Variants in CCPG1 observed in about 807,000 individuals in gnomAD.
The protein encoded by CCPG1 is cell cycle progression protein 1.
In CCPG1, 46 loss-of-function variants were observed where a neutral mutation model predicts 81.3. The observed-to-expected ratio is 0.57, with a 90% confidence interval of 0.45 to 0.72. The LOEUF (loss-of-function observed/expected upper bound fraction) is 0.72, where lower values mean the gene tolerates loss of function less well. CCPG1 is among the 30% of genes least tolerant of loss of function. The pLI, the probability that CCPG1 is intolerant of heterozygous loss-of-function variation, is 0.00. For missense variants in CCPG1, 902 were observed against 937.6 expected, an observed-to-expected ratio of 0.96 and a Z score of 0.50; for synonymous variants, 330 against 305.2, an observed-to-expected ratio of 1.08 and a Z score of -0.85.
Position 55,360,519 on chromosome 15 carries a change from A to G in CCPG1, c.1254T>C (p.Tyr418=). ...LHGKSDSPNV[Y]TEKKEIAILR... ...AGATTGCTATTTCCTTTTTTTCAGT[A>G]TATACATTGGGAGAATCTGACTTGC... Residue 418 remains tyrosine, a synonymous_variant, in exon 8 of 9, where the codon TAT becomes TAC. Transcript: ENST00000442196. The G allele has an allele frequency of 1.2e-6, 2 of 1,613,898 alleles. No individual in the cohort carries two copies. The highest frequency in any genetic ancestry group is 1.7e-6 in the Non-Finnish European group (2 of 1,179,996).
intron 8 of CCPG1, chr15:55,357,233 A>G: frequency 5.8e-6 from 5 of 866,322 alleles, no homozygotes; most frequent in Non-Finnish European, 6.6e-6. Context: ...TGGTACTACT[A>G]TCCAACAAGA....
Position 55,356,241 on chromosome 15 carries a change from T to C in CCPG1, c.2403A>G (p.Leu801=), listed in dbSNP as rs2056075080. The change falls in exon 9 of 9, where the codon TTA becomes TTG. Residue 801 remains leucine, a synonymous_variant. Transcript: ENST00000442196. Reference sequence around the variant, plus strand: ...TGAATCAGTATTGAGGATCAAAAGGTAATTGCCCCAATTCTATTTCAAGAT... The same window carrying C: ...TGAATCAGTATTGAGGATCAAAAGGCAATTGCCCCAATTCTATTTCAAGAT... The part of the protein sequence containing the change: ...MANLEIELGQ[L]PFDPQY 1 of 1,534,584 alleles carries C rather than the reference T, an allele frequency of 6.5e-7. No individual in the cohort carries two copies. Among genetic ancestry groups the C allele is most frequent in the Non-Finnish European group, 8.7e-7 (1 of 1,146,388 alleles).
chr15:55,355,602 T>C lies in CCPG1; in HGVS notation c.*618A>G, dbSNP rs1202874839. 3.1e-5 allele frequency: 14 copies of C among 458,146 alleles called. No homozygotes were observed. The highest frequency in any genetic ancestry group is 4.0e-5 in the African/African-American group (2 of 49,656). The allele number at this position is 458,146 out of a possible 1,614,324, so 28.4% of individuals were successfully genotyped here. A position where few individuals can be genotyped will look rare whatever the true frequency, so the allele number is the denominator to read the frequency against. ...AAATACCACATAGTATAAAATTACA[T>C]GTTAATACAATGCCAGATTTTAAAT... On this transcript the variant is annotated 3_prime_UTR_variant, in exon 9 of 9. Transcript: ENST00000442196.
intron 3 of CCPG1, among the ~76,000 whole-genome samples, chr15:55,384,919 A>G (rs778783898): frequency 3.3e-5 from 5 of 152,248 alleles, no homozygotes; most frequent in Non-Finnish European, 7.3e-5. Flanking sequence ...CTTGTGATCA[A>G]TGAATAATTT....
At position 55,366,876 on chromosome 15, in the gene CCPG1, GA is replaced by G. The variant is rs34210341; in HGVS notation, c.707-1568del. 4.7e-3 allele frequency among the ~76,000 whole-genome samples: 711 copies of G among 152,120 alleles called. 6 individuals are homozygous for G. The highest frequency in any genetic ancestry group is 0.016 in the African/African-American group (663 of 41,490). On this transcript the variant is annotated intron_variant, in intron 6 of 8. Coordinates refer to ENST00000442196, the MANE Select transcript of CCPG1 (RefSeq NM_001204450.2). ...TATTCACATGCGTCATGTATGGGGG[GA>G]AAAAACCACGAAATCAAAAATAAGG...
At chr15:55,395,195 C>T (rs912517463) in intron 1 of CCPG1, among the ~76,000 whole-genome samples, 7 of 152,052 alleles carry the variant, frequency 4.6e-5, no homozygotes, top group African/African-American at 1.7e-4. Context: ...CTGGCCCTAA[C>T]ACCACCATGA....
At chr15:55,365,345 AAAT>A (rs2056299901) in intron 6 of CCPG1, 36 bp from the exon 7 acceptor site, 1 of 1,203,312 alleles carries the variant, frequency 8.3e-7, no homozygotes, top group Middle Eastern at 2.5e-4. Flanking sequence ...TATGTAACAA[AAAT>A]ATTATCATTA....
intron 1 of CCPG1, among the ~76,000 whole-genome samples, chr15:55,394,237 C>T (rs1415422051): frequency 6.6e-6 from 1 of 152,162 alleles, no homozygotes; most frequent in Non-Finnish European, 1.5e-5. Context: ...CCACCCACCT[C>T]GGCCTCCCAA....
Position 55,371,884 on chromosome 15 carries a change from CT to C in CCPG1, c.614del (p.Glu205GlyfsTer2). 1.2e-6 allele frequency: 2 copies of C among 1,614,138 alleles called. No homozygotes were observed. The highest frequency in any genetic ancestry group is 1.7e-6 in the Non-Finnish European group (2 of 1,179,980). ...CACTACTGAACTGACGTTTACTCAACTCCTTAGAAGGTTCAGTTTCTTGTTC... is the reference window on the plus strand; with the variant it reads ...CACTACTGAACTGACGTTTACTCAACCCTTAGAAGGTTCAGTTTCTTGTTC... ...VAEQETEPSK[E>X]LSKRQFSSGL... is the part of the protein sequence containing the mutation. On this transcript the variant is annotated frameshift_variant, in exon 6 of 9. Transcript: ENST00000442196. LOFTEE classifies it high-confidence loss of function.
chr15:55,374,893 T>C (rs903728874), intron 5 of CCPG1, among the ~76,000 whole-genome samples: 3 of 152,146 alleles, frequency 2.0e-5, no homozygotes, highest in African/African-American at 7.2e-5. Flanking sequence ...TCAAACTCCT[T>C]ACCTCAGGTA....
At position 55,360,864 on chromosome 15, in the gene CCPG1, A is replaced by C. The variant is rs761815749; in HGVS notation, c.909T>G (p.Leu303=). ...KMSFETQKTN[L]ATENQYLRVS... Reference sequence around the variant, plus strand: ...CTCTTAAATACTGATTTTCTGTAGCAAGGTTCGTTTTCTGAGTTTCAAAGG... The same window carrying C: ...CTCTTAAATACTGATTTTCTGTAGCCAGGTTCGTTTTCTGAGTTTCAAAGG... The change falls in exon 8 of 9, where the codon CTT becomes CTG. Residue 303 remains leucine (L), a synonymous_variant. Coordinates refer to ENST00000442196, the MANE Select transcript of CCPG1 (RefSeq NM_001204450.2). 1.1e-5 allele frequency: 17 copies of C among 1,607,516 alleles called. No homozygotes were observed. The South Asian group carries it at 1.9e-4, about 18-fold the overall frequency.
chr15:55,375,613 T>C (rs544073719), intron 5 of CCPG1, among the ~76,000 whole-genome samples: 1 of 152,300 alleles, frequency 6.6e-6, no homozygotes, highest in South Asian at 2.1e-4. Context: ...GTTTTCACGT[T>C]CATGTTTATA....
intron 1 of CCPG1, among the ~76,000 whole-genome samples, chr15:55,398,795 T>C (rs1401685984): frequency 2.0e-5 from 3 of 152,160 alleles, no homozygotes; most frequent in South Asian, 4.1e-4. Context: ...TTGGCCAGGA[T>C]GGTCTCGATC....
At chr15:55,392,929 CCT>C (rs1266722519) in intron 1 of CCPG1, among the ~76,000 whole-genome samples, 2 of 151,986 alleles carry the variant, frequency 1.3e-5, no homozygotes, top group Admixed American at 1.3e-4. Context: ...ATGATGAAAC[CCT>C]GTCTCTACTA....
intron 2 of CCPG1, among the ~76,000 whole-genome samples, chr15:55,387,794 C>T (rs1017783107): frequency 6.7e-6 from 1 of 148,992 alleles, no homozygotes; most frequent in African/African-American, 2.5e-5. Flanking sequence ...TCTGCCCCGA[C>T]CTCGGCCTCC....
chr15:55,381,289 A>T (rs1288710007), intron 3 of CCPG1, among the ~76,000 whole-genome samples: 2 of 151,116 alleles, frequency 1.3e-5, no homozygotes, highest in Non-Finnish European at 3.0e-5. Context: ...AAAAAATAAA[A>T]AAAAAATAGC....
chr15:55,392,281 G>A (rs1203959481), intron 1 of CCPG1, among the ~76,000 whole-genome samples: 1 of 144,140 alleles, frequency 6.9e-6, no homozygotes, highest in Non-Finnish European at 1.5e-5. Context: ...GCGTCATCTC[G>A]GCTCACCACA....
intron 3 of CCPG1, among the ~76,000 whole-genome samples, chr15:55,383,623 CAGTT>C (rs2056744252): frequency 6.6e-6 from 1 of 152,242 alleles, no homozygotes; most frequent in South Asian, 2.1e-4. Flanking sequence ...TCCATTATCT[CAGTT>C]AGATCTCCTG....
At chr15:55,374,203 A>G (rs1196035993) in intron 5 of CCPG1, 2 of 1,289,070 alleles carry the variant, frequency 1.6e-6, no homozygotes, top group Non-Finnish European at 2.0e-6. Flanking sequence ...TGATCATCCC[A>G]TCCCCATATG....
Sources: allele counts gnomAD v4.1 joint callset (sites outside exome capture counted in the v4.1 genomes callset), GRCh38; gene constraint gnomAD v4.1.1; transcripts MANE v1.5; gene names NCBI Gene and HGNC (gene_info 2026-07-23, HGNC 2026-07-21).